Variants in TRPS1 observed in about 807,000 individuals in gnomAD.
TRPS1 encodes transcriptional repressor GATA binding 1.
TRPS1 carries 6 observed loss-of-function variants against 101.2 expected under a neutral mutation model. That is an observed-to-expected ratio of 0.06 (90% CI 0.03 to 0.12). The LOEUF (loss-of-function observed/expected upper bound fraction) is 0.12, where lower values mean the gene tolerates loss of function less well. Ranked by LOEUF, TRPS1 falls within the 10% of genes least tolerant of loss-of-function variation. The probability of loss-of-function intolerance (pLI) is 1.00; values close to 1 mark genes in which losing one functional copy is unlikely to be tolerated. For synonymous variants in TRPS1, 578 were observed against 589.8 expected (o/e 0.98, Z 0.29); for missense variants, 1,363 against 1,567.0 (o/e 0.87, Z 2.20).
chr8:115,548,597 T>C (rs1187124783), intron 5 of TRPS1, among the ~76,000 whole-genome samples: 4 of 152,104 alleles, frequency 2.6e-5, no homozygotes, highest in Admixed American at 1.3e-4. Context: ...CAACATTCAT[T>C]TGGAGGAAAC....
Position 115,543,387 on chromosome 8 carries a change from T to C in TRPS1, c.2700+43614A>G, listed in dbSNP as rs757198760. Among the ~76,000 whole-genome samples, 5 of 152,330 alleles carry C rather than the reference T, an allele frequency of 3.3e-5. No homozygotes were observed. The East Asian group carries it at 7.7e-4, about 23-fold the overall frequency. On this transcript the variant is annotated intron_variant, in intron 5 of 6. Transcript: ENST00000395715. ...CTATTGTCTCTTTCAAGATTAGCAA[T>C]GACATAAAAATTGCCAATTAGCTTT...
At chr8:115,537,298 C>G (rs999353564) in intron 5 of TRPS1, among the ~76,000 whole-genome samples, 1 of 152,036 alleles carries the variant, frequency 6.6e-6, no homozygotes, top group African/African-American at 2.4e-5. Flanking sequence ...ATTCTGTTTA[C>G]TATATTGTGT....
At chr8:115,420,925 C>A (rs1362677009) in intron 5 of TRPS1, among the ~76,000 whole-genome samples, 1 of 151,770 alleles carries the variant, frequency 6.6e-6, no homozygotes, top group African/African-American at 2.4e-5. Flanking sequence ...CAACACTGGG[C>A]AAGTCACTTA....
chr8:115,635,321 T>C (rs767343239), intron 1 of TRPS1, among the ~76,000 whole-genome samples: 1 of 152,194 alleles, frequency 6.6e-6, no homozygotes, highest in Non-Finnish European at 1.5e-5. Context: ...AGGTCAAAGA[T>C]ATCTGCTGGC....
chr8:115,663,387 G>A (rs971487849), intron 1 of TRPS1, among the ~76,000 whole-genome samples: 1 of 151,786 alleles, frequency 6.6e-6, no homozygotes, highest in Admixed American at 6.6e-5. Context: ...AAGAAAACAA[G>A]AAAGAGAGAG....
intron 5 of TRPS1, among the ~76,000 whole-genome samples, chr8:115,453,671 A>G (rs1212625048): frequency 6.6e-6 from 1 of 152,226 alleles, no homozygotes; most frequent in Non-Finnish European, 1.5e-5. Context: ...ACTCATGAAA[A>G]TGAACATGGT....
At position 115,514,771 on chromosome 8, in the gene TRPS1, CA is replaced by C. The variant is rs77152478; in HGVS notation, c.2700+72229del. Reference sequence around the variant, plus strand: ...TCGTTCAAATAAACTCAAGACATACCAAAAAAAACCAGCTTAATAACTAAAA... The same window carrying C: ...TCGTTCAAATAAACTCAAGACATACCAAAAAAACCAGCTTAATAACTAAAA... On this transcript the variant is annotated intron_variant, in intron 5 of 6. Coordinates refer to ENST00000395715, the MANE Select transcript of TRPS1 (RefSeq NM_014112.5). 9.6e-4 allele frequency among the ~76,000 whole-genome samples: 145 copies of C among 150,652 alleles called. 2 individuals carry two copies. In the East Asian group the frequency reaches 0.022, roughly 23 times the overall value.
At chr8:115,601,461 C>G (rs1156720135) in intron 4 of TRPS1, among the ~76,000 whole-genome samples, 2 of 152,106 alleles carry the variant, frequency 1.3e-5, no homozygotes, top group African/African-American at 4.8e-5. Context: ...ATCTTTTCTA[C>G]TAAGCTGTGA....
Position 115,587,429 on chromosome 8 carries a change from T to C in TRPS1, c.2272A>G (p.Arg758Gly). The C allele has an allele frequency of 1.2e-6, 2 of 1,614,160 alleles. No individual in the cohort carries two copies. Among genetic ancestry groups the C allele is most frequent in the Non-Finnish European group, 1.7e-6 (2 of 1,180,014 alleles). Residue 758 changes from arginine to glycine, a missense_variant, in exon 5 of 7, where the codon AGG (arginine) becomes GGG (glycine). By Grantham distance (125) the Arg-to-Gly change is moderately radical. This residue lies in a region of TRPS1 where 1,020 missense variants were observed against 1,073.0 expected (regional missense o/e 0.95). Coordinates refer to ENST00000395715, the MANE Select transcript of TRPS1 (RefSeq NM_014112.5). The stretch of plus-strand genomic sequence containing the variant: ...TCTGGAGTTAGCAGATTGTAGACCC[T>C]GAAGTCAATTTTGGGCTCCTCTTTG... Reference protein sequence around the residue: ...TIKEEPKIDFRVYNLLTPDSK... With the variant: ...TIKEEPKIDFGVYNLLTPDSK...
intron 5 of TRPS1, among the ~76,000 whole-genome samples, chr8:115,504,094 C>T (rs1487468283): frequency 6.6e-6 from 1 of 152,134 alleles, no homozygotes; most frequent in African/African-American, 2.4e-5. Context: ...TTCCCTAAAC[C>T]TTCTCATTTC....
At position 115,410,832 on chromosome 8, in the gene TRPS1, C is replaced by G. The variant is rs1314404447; in HGVS notation, c.*3191G>C. 1 of 151,910 alleles carries G rather than the reference C, an allele frequency of 6.6e-6. No homozygotes were observed. Among genetic ancestry groups the G allele is most frequent in the Non-Finnish European group, 1.5e-5 (1 of 67,960 alleles). The allele number at this position is 151,910 out of a possible 1,614,324, so 9.4% of individuals were successfully genotyped here. A position where few individuals can be genotyped will look rare whatever the true frequency, so the allele number is the denominator to read the frequency against. ...TGGCACACAATTTTAGCTGGCACATCATTTTCATCACAGGGGAAGCCTTTT... is the reference window on the plus strand; with the variant it reads ...TGGCACACAATTTTAGCTGGCACATGATTTTCATCACAGGGGAAGCCTTTT... On this transcript the variant is annotated 3_prime_UTR_variant, in exon 7 of 7. Transcript: ENST00000395715.
Position 115,533,442 on chromosome 8 carries a change from T to TTTTTTTTTTTTG in TRPS1, c.2700+53558_2700+53559insCAAAAAAAAAAA, listed in dbSNP as rs1563580704. Among the ~76,000 whole-genome samples the TTTTTTTTTTTTG allele has an allele frequency of 5.6e-5, 7 of 125,658 alleles. 1 individual carries two copies. The highest frequency in any genetic ancestry group is 1.1e-4 in the Non-Finnish European group (7 of 62,296). 82.4% of individuals were successfully genotyped at this position (125,658 alleles called of 152,430 possible). A position where few individuals can be genotyped will look rare whatever the true frequency, so the allele number is the denominator to read the frequency against. ...CGCTTCCCACATGTAATCTGTTTTTTTTTTTTTTTTTTTTTTTCCTGAAAA... is the reference window on the plus strand; with the variant it reads ...CGCTTCCCACATGTAATCTGTTTTTTTTTTTTTTTTTGTTTTTTTTTTTTTTTTTCCTGAAAA... On this transcript the variant is annotated intron_variant, in intron 5 of 6. Transcript: ENST00000395715.
chr8:115,612,682 G>C (rs1370042445), intron 3 of TRPS1, among the ~76,000 whole-genome samples: 1 of 152,146 alleles, frequency 6.6e-6, no homozygotes, highest in African/African-American at 2.4e-5. Context: ...AAAGGATGCA[G>C]GCATTCTTTA....
At chr8:115,575,747 T>G (rs529889545) in intron 5 of TRPS1, among the ~76,000 whole-genome samples, 8 of 152,190 alleles carry the variant, frequency 5.3e-5, no homozygotes, top group African/African-American at 1.9e-4. Flanking sequence ...TGACATATGA[T>G]CTCTGAAGGA....
chr8:115,536,044 G>GATT (rs1247452876), intron 5 of TRPS1, among the ~76,000 whole-genome samples: 18 of 151,996 alleles, frequency 1.2e-4, no homozygotes, highest in Admixed American at 9.2e-4. Flanking sequence ...AAAATTAGAT[G>GATT]ATTATTACTC....
In TRPS1 at chr8:115,661,209, T is replaced by C. The variant is rs147011476; in HGVS notation, c.-122+7336A>G. Among the ~76,000 whole-genome samples the C allele has an allele frequency of 4.3e-4, 66 of 152,176 alleles. 1 individual carries two copies. Among genetic ancestry groups the C allele is most frequent in the African/African-American group, 1.5e-3 (61 of 41,566 alleles). On this transcript the variant is annotated intron_variant, in intron 1 of 6. Coordinates refer to ENST00000395715, the MANE Select transcript of TRPS1 (RefSeq NM_014112.5). The stretch of plus-strand genomic sequence containing the variant: ...AATTCCTTAGTAAATTCAGAGCAGA[T>C]ATAAGTATTATGATAACAATTGATT...
At chr8:115,425,964 T>C (rs1057388365) in intron 5 of TRPS1, among the ~76,000 whole-genome samples, 3 of 152,234 alleles carry the variant, frequency 2.0e-5, no homozygotes, top group Admixed American at 1.3e-4. Context: ...ACAGCAAATA[T>C]GCATTTGGAC....
In TRPS1 at chr8:115,442,550, C is replaced by CGTGTGTGTGTGT. The variant is rs10570037; in HGVS notation, c.2701-24110_2701-24099dup. ...GGGTAGCAAGCATCCAAGTATGGTGCGTGTGTGTGTGTGTGTGTGTGTGTG... is the reference window on the plus strand; with the variant it reads ...GGGTAGCAAGCATCCAAGTATGGTGCGTGTGTGTGTGTGTGTGTGTGTGTGTGTGTGTGTGTG... On this transcript the variant is annotated intron_variant, in intron 5 of 6. Coordinates refer to ENST00000395715, the MANE Select transcript of TRPS1 (RefSeq NM_014112.5). 2.5e-4 allele frequency among the ~76,000 whole-genome samples: 36 copies of CGTGTGTGTGTGT among 145,102 alleles called. 1 individual carries two copies. Among genetic ancestry groups the CGTGTGTGTGTGT allele is most frequent in the African/African-American group, 8.6e-4 (34 of 39,610 alleles).
chr8:115,507,831 G>T (rs1815484939), intron 5 of TRPS1, among the ~76,000 whole-genome samples: 1 of 151,956 alleles, frequency 6.6e-6, no homozygotes, highest in African/African-American at 2.4e-5. Flanking sequence ...TATAGGTCTG[G>T]CCCGAGGGTG....
Sources: allele counts gnomAD v4.1 joint callset (sites outside exome capture counted in the v4.1 genomes callset), GRCh38; gene constraint gnomAD v4.1.1; regional missense constraint gnomAD v4.1.1; transcripts MANE v1.5; gene names NCBI Gene and HGNC (gene_info 2026-07-23, HGNC 2026-07-21).